Variants in ZFHX3 observed in about 807,000 individuals in gnomAD.
ZFHX3 encodes zinc finger homeobox protein 3.
Under a neutral mutation model 279.1 loss-of-function variants are expected in ZFHX3, and 42 were observed. The ratio of observed to expected loss-of-function variants is 0.15; its 90% CI spans 0.12 to 0.19. The LOEUF is 0.19. Among genes scored for constraint, ZFHX3 ranks in the 10% least tolerant of loss-of-function variants. The probability of loss-of-function intolerance (pLI) is 1.00; values close to 1 mark genes in which losing one functional copy is unlikely to be tolerated. For missense variants in ZFHX3, 4,981 were observed against 4,754.0 expected (o/e 1.05, Z -1.40); for synonymous variants, 2,293 against 1,957.8 (o/e 1.17, Z -4.52).
chr16:73,560,821 C>T (rs931752680), intron 2 of ZFHX3, among the ~76,000 whole-genome samples: 2 of 152,174 alleles, frequency 1.3e-5, no homozygotes, highest in Admixed American at 6.5e-5. Flanking sequence ...TACTTAATAG[C>T]ACCTCAGGTC....
chr16:73,833,367 A>T (rs1379713929), intron 1 of ZFHX3, among the ~76,000 whole-genome samples: 5 of 152,280 alleles, frequency 3.3e-5, no homozygotes, highest in African/African-American at 1.2e-4. Flanking sequence ...TAAAAAAATT[A>T]TTTAGAATAA....
At chr16:72,810,422 G>A (rs1314009388) in intron 7 of ZFHX3, among the ~76,000 whole-genome samples, 1 of 152,064 alleles carries the variant, frequency 6.6e-6, no homozygotes, top group Non-Finnish European at 1.5e-5. Context: ...CTGACCTCAG[G>A]TGTTCCACCT....
At chr16:73,448,865 C>A (rs573755004) in intron 3 of ZFHX3, among the ~76,000 whole-genome samples, 1 of 152,078 alleles carries the variant, frequency 6.6e-6, no homozygotes, top group African/African-American at 2.4e-5. Flanking sequence ...AGAAAAAATT[C>A]TGTATTTATT....
At chr16:73,059,508 C>G (rs185292113) in exon 1 of ZFHX3, 3 of 136,098 alleles carry the variant, frequency 2.2e-5, no homozygotes, top group African/African-American at 2.8e-5. Flanking sequence ...TCTTTTCTTT[C>G]TTATTATTTT....
At chr16:73,207,622 G>A (rs1249249758) in intron 5 of ZFHX3, among the ~76,000 whole-genome samples, 1 of 152,208 alleles carries the variant, frequency 6.6e-6, no homozygotes, top group Non-Finnish European at 1.5e-5. Context: ...GCTCACTAGA[G>A]AGGCGATATC....
At chr16:73,648,602 G>C (rs1026612281) in intron 2 of ZFHX3, among the ~76,000 whole-genome samples, 1 of 152,012 alleles carries the variant, frequency 6.6e-6, no homozygotes, top group African/African-American at 2.4e-5. Flanking sequence ...AGTAGAGACT[G>C]GATTTCACCA....
At chr16:73,767,331 C>T (rs2053961537) in intron 1 of ZFHX3, among the ~76,000 whole-genome samples, 4 of 152,246 alleles carry the variant, frequency 2.6e-5, no homozygotes, top group South Asian at 2.1e-4. Context: ...ATCAAGAATA[C>T]ATTCATGCTC....
At chr16:73,494,862 C>T (rs2019113644) in intron 2 of ZFHX3, among the ~76,000 whole-genome samples, 1 of 152,100 alleles carries the variant, frequency 6.6e-6, no homozygotes, top group Admixed American at 6.5e-5. Context: ...GCCTCTGCGC[C>T]CGGCAAAACT....
chr16:73,611,285 G>C (rs1454650211), intron 2 of ZFHX3, among the ~76,000 whole-genome samples: 3 of 152,144 alleles, frequency 2.0e-5, no homozygotes, highest in East Asian at 1.9e-4. Context: ...ACATAGATGT[G>C]GGGGAGAAGG....
chr16:73,026,693 A>AAAAAAAAAAAAAAAAC (rs201116956), intron 1 of ZFHX3, among the ~76,000 whole-genome samples: 2 of 144,642 alleles, frequency 1.4e-5, no homozygotes, highest in African/African-American at 2.6e-5. Flanking sequence ...AAAAAAAAAA[A>AAAAAAAAAAAAAAAAC]AACACATAGT....
intron 3 of ZFHX3, among the ~76,000 whole-genome samples, chr16:72,902,989 G>T (rs1467163630): frequency 5.9e-5 from 9 of 152,178 alleles, no homozygotes; most frequent in Non-Finnish European, 1.3e-4. Flanking sequence ...AGATGAGGAT[G>T]TGGGAAGTCA....
intron 2 of ZFHX3, among the ~76,000 whole-genome samples, chr16:73,458,932 C>T (rs896946680): frequency 9.2e-5 from 14 of 152,280 alleles, no homozygotes; most frequent in East Asian, 5.8e-4. Flanking sequence ...GCATTCTAAA[C>T]GACTTACCCA....
At position 73,638,813 on chromosome 16, in the gene ZFHX3, C is replaced by T. The variant is rs74030142; in HGVS notation, c.-1547+41367G>A. 9.4e-3 allele frequency among the ~76,000 whole-genome samples: 1,434 copies of T among 152,152 alleles called. 26 individuals carry two copies. The highest frequency in any genetic ancestry group is 0.033 in the African/African-American group (1,354 of 41,522). On this transcript the variant is annotated intron_variant, in intron 2 of 17. Transcript: ENST00000641206. ...TTTGTTGAATGAAGGAATCAAGAAC[C>T]ATGTTTCTTTCTGCTAAAATGTGTT... is the stretch of plus-strand genomic sequence containing the variant.
intron 1 of ZFHX3, among the ~76,000 whole-genome samples, chr16:73,770,364 A>T (rs924001962): frequency 2.0e-5 from 3 of 152,262 alleles, no homozygotes; most frequent in African/African-American, 7.2e-5. Context: ...CCAGAAAGAA[A>T]CAATTTTCAC....
At chr16:73,069,241 G>A (rs1485610913) in intron 8 of ZFHX3, among the ~76,000 whole-genome samples, 2 of 152,190 alleles carry the variant, frequency 1.3e-5, no homozygotes, top group African/African-American at 4.8e-5. Flanking sequence ...TTAACAGAGA[G>A]GGGTATCAAA....
At chr16:73,596,312 C>G (rs982316760) in intron 2 of ZFHX3, among the ~76,000 whole-genome samples, 1 of 152,162 alleles carries the variant, frequency 6.6e-6, no homozygotes, top group Non-Finnish European at 1.5e-5. Flanking sequence ...CGTGAGCCAA[C>G]GCACCTGGCC....
chr16:72,853,361 G>A (rs1201739079), intron 4 of ZFHX3, among the ~76,000 whole-genome samples: 1 of 152,182 alleles, frequency 6.6e-6, no homozygotes, highest in African/African-American at 2.4e-5. Flanking sequence ...TTCTAGCCAA[G>A]GGAATAACAC....
At chr16:72,982,138 C>T (rs1962632464) in intron 1 of ZFHX3, among the ~76,000 whole-genome samples, 3 of 152,144 alleles carry the variant, frequency 2.0e-5, no homozygotes, top group African/African-American at 4.8e-5. Flanking sequence ...CCGCCTTGGC[C>T]TCCCAAAGCG....
At chr16:73,109,289 A>C (rs1295717584) in intron 7 of ZFHX3, among the ~76,000 whole-genome samples, 1 of 152,144 alleles carries the variant, frequency 6.6e-6, no homozygotes, top group Non-Finnish European at 1.5e-5. Context: ...TGTTCTGTAA[A>C]TTGCTTTTTT....
Sources: gnomAD v4.1 joint callset for allele counts (sites outside exome capture counted in the v4.1 genomes callset) on GRCh38, gnomAD v4.1.1 for gene constraint, MANE v1.5 for transcripts, NCBI Gene and HGNC (gene_info 2026-07-23, HGNC 2026-07-21) for gene names.